ZFHX4: variants seen among roughly 807,000 people sequenced by gnomAD.
ZFHX4 encodes the protein zinc finger homeobox 4.
In ZFHX4, 56 loss-of-function variants were observed where a neutral mutation model predicts 267.6. The ratio of observed to expected loss-of-function variants is 0.21; its 90% CI spans 0.17 to 0.26. The LOEUF is 0.26. Ranked by LOEUF, ZFHX4 falls within the 10% of genes least tolerant of loss-of-function variation. The pLI is 1.00. For synonymous variants in ZFHX4, 1,778 were observed against 1,665.6 expected, an observed-to-expected ratio of 1.07 and a Z score of -1.64; for missense variants, 4,332 against 4,420.0, an observed-to-expected ratio of 0.98 and a Z score of 0.56.
intron 4 of ZFHX4, among the ~76,000 whole-genome samples, chr8:76,792,606 C>G (rs1235507672): frequency 2.0e-5 from 3 of 152,106 alleles, no homozygotes; most frequent in Non-Finnish European, 4.4e-5. Context: ...AATAATAGAT[C>G]CTTAAGCAAA....
chr8:76,777,761 G>A (rs1360726791), intron 3 of ZFHX4, among the ~76,000 whole-genome samples: 1 of 151,664 alleles, frequency 6.6e-6, no homozygotes, highest in Non-Finnish European at 1.5e-5. Context: ...TATGGTTAAA[G>A]TTTTCATCTT....
rs1813045916 is a variant in ZFHX4, at chr8:76,866,814, A to AG, written c.*2249_*2250insG. 6.6e-6 allele frequency: 1 copy of AG among 152,118 alleles called. No individual in the cohort carries two copies. Among genetic ancestry groups the AG allele is most frequent in the Non-Finnish European group, 1.5e-5 (1 of 67,926 alleles). The allele number at this position is 152,118 out of a possible 1,614,324, so 9.4% of individuals were successfully genotyped here. A position where few individuals can be genotyped will look rare whatever the true frequency, so the allele number is the denominator to read the frequency against. ...CCAAAAAAAGAAAAAAAAAAGAAAA[A>AG]AAACTTTAACTGGATGGACGTTGTT... On this transcript the variant is annotated 3_prime_UTR_variant, in exon 11 of 11. Transcript: ENST00000651372.
At chr8:76,708,160 A>C in intron 3 of ZFHX4, 112 bp downstream of exon 3, 5 of 1,308,796 alleles carry the variant, frequency 3.8e-6, no homozygotes, top group Non-Finnish European at 5.4e-6. Flanking sequence ...AAAAACATCA[A>C]AGGGCAGGGG....
intron 1 of ZFHX4, chr8:76,683,883 G>T (rs1281799046): frequency 1.3e-5 from 2 of 151,848 alleles, no homozygotes; most frequent in Non-Finnish European, 2.9e-5. Flanking sequence ...CTGAGACTTG[G>T]CTGCGATTGG....
At chr8:76,768,824 G>A (rs1810179337) in intron 3 of ZFHX4, among the ~76,000 whole-genome samples, 1 of 152,130 alleles carries the variant, frequency 6.6e-6, no homozygotes, top group Admixed American at 6.5e-5. Flanking sequence ...GAGAGAAAAT[G>A]AAATAATAGA....
At chr8:76,785,593 G>A (rs184607316) in intron 4 of ZFHX4, among the ~76,000 whole-genome samples, 29 of 152,158 alleles carry the variant, frequency 1.9e-4, no homozygotes, top group Admixed American at 1.6e-3. Context: ...TGTTTTCATT[G>A]GGTAGGTTTG....
chr8:76,734,135 C>T (rs748195213), intron 3 of ZFHX4, among the ~76,000 whole-genome samples: 12 of 152,244 alleles, frequency 7.9e-5, no homozygotes, highest in African/African-American at 1.9e-4. Context: ...TTATTATAAA[C>T]GCCAGCCTTT....
At chr8:76,760,014 A>G (rs1242940740) in intron 3 of ZFHX4, among the ~76,000 whole-genome samples, 1 of 152,180 alleles carries the variant, frequency 6.6e-6, no homozygotes, top group Non-Finnish European at 1.5e-5. Context: ...TGCCTTTAAA[A>G]TATTATTTTG....
chr8:76,793,257 A>G (rs1296621004), intron 4 of ZFHX4, among the ~76,000 whole-genome samples: 2 of 151,262 alleles, frequency 1.3e-5, no homozygotes, highest in Non-Finnish European at 1.5e-5. Flanking sequence ...GTCTTTAAGG[A>G]AAAAAAAAGA....
chr8:76,730,914 C>T (rs1405679492), intron 3 of ZFHX4, among the ~76,000 whole-genome samples: 1 of 152,138 alleles, frequency 6.6e-6, no homozygotes, highest in Non-Finnish European at 1.5e-5. Context: ...TCGATCCTCA[C>T]AACAGCCCAC....
intron 3 of ZFHX4, among the ~76,000 whole-genome samples, chr8:76,745,786 G>A (rs139025755): frequency 6.6e-6 from 1 of 152,220 alleles, no homozygotes; most frequent in East Asian, 1.9e-4. Flanking sequence ...GATTAAAATA[G>A]CATTGTTTGA....
chr8:76,689,800 G>C (rs1178914739), intron 1 of ZFHX4, among the ~76,000 whole-genome samples: 2 of 152,020 alleles, frequency 1.3e-5, no homozygotes, highest in Non-Finnish European at 2.9e-5. Context: ...CCACTTTAAG[G>C]CATATTTGAG....
intron 6 of ZFHX4, among the ~76,000 whole-genome samples, chr8:76,846,475 T>G (rs567271847): frequency 6.6e-6 from 1 of 152,098 alleles, no homozygotes; most frequent in Admixed American, 6.6e-5. Context: ...GACGCATAAC[T>G]GTATTGAATA....
chr8:76,754,898 C>T (rs1291263709), intron 3 of ZFHX4, among the ~76,000 whole-genome samples: 1 of 152,136 alleles, frequency 6.6e-6, no homozygotes, highest in Non-Finnish European at 1.5e-5. Context: ...TCAATGAGAT[C>T]ATGTTTCTTT....
intron 10 of ZFHX4, among the ~76,000 whole-genome samples, chr8:76,859,027 G>C (rs1256771839): frequency 6.6e-6 from 1 of 152,170 alleles, no homozygotes. Flanking sequence ...TTACTCAAAG[G>C]CTACGCCCCA....
rs373819445 is a variant in ZFHX4, at chr8:76,850,970, C to A, written c.4049C>A (p.Pro1350Gln). 2 of 1,613,472 alleles carry A rather than the reference C, an allele frequency of 1.2e-6. No homozygotes were observed. The highest frequency in any genetic ancestry group is 1.3e-5 in the African/African-American group (1 of 74,874). Reference protein sequence around the residue: ...NVEVKNEEQKPTKEPLEVSEW... With the variant: ...NVEVKNEEQKQTKEPLEVSEW... ...GAAGTAAAGAATGAGGAGCAGAAAC[C>A]GACTAAAGAACCCTTGGAAGTCTCA... The change falls in exon 10 of 11, where the codon CCG becomes CAG. Residue 1350 changes from proline to glutamine, a missense_variant. Coordinates refer to ENST00000651372, the MANE Select transcript of ZFHX4 (RefSeq NM_024721.5).
chr8:76,854,653 CT>C lies in ZFHX4; in HGVS notation c.7733del (p.Leu2578GlnfsTer5). ...TTAPTTVAAS[L>X]KRKLDDKEDN... Reference sequence around the variant, plus strand: ...AGCCCCCACAACGGTTGCTGCTTCCCTAAAAAGGAAACTAGACGATAAAGAA... The same window carrying C: ...AGCCCCCACAACGGTTGCTGCTTCCCAAAAAGGAAACTAGACGATAAAGAA... On this transcript the variant is annotated frameshift_variant, in exon 10 of 11. Transcript: ENST00000651372. LOFTEE classifies it high-confidence loss of function. The C allele has an allele frequency of 6.2e-7, 1 of 1,613,680 alleles. No homozygotes were observed.
chr8:76,849,205 T>G, intron 7 of ZFHX4, 77 bp downstream of exon 7: 1 of 1,435,994 alleles, frequency 7.0e-7, no homozygotes, highest in South Asian at 1.4e-5. Context: ...CCCCAAATGA[T>G]TCCATGCTGT....
chr8:76,710,903 A>G (rs1022989300), intron 3 of ZFHX4, among the ~76,000 whole-genome samples: 7 of 152,126 alleles, frequency 4.6e-5, no homozygotes, highest in African/African-American at 1.7e-4. Flanking sequence ...AAACTGATCA[A>G]TGTAATGAAA....
Sources: gnomAD v4.1 joint callset for allele counts (sites outside exome capture counted in the v4.1 genomes callset) on GRCh38, gnomAD v4.1.1 for gene constraint, MANE v1.5 for transcripts, NCBI Gene and HGNC (gene_info 2026-07-23, HGNC 2026-07-21) for gene names.